The following CDH13 variants were observed in gnomAD, a reference collection of about 807,000 sequenced individuals.
The protein encoded by CDH13 is cadherin 13.
CDH13 carries 24 observed loss-of-function variants against 63.8 expected under a neutral mutation model. The ratio of observed to expected loss-of-function variants is 0.38; its 90% confidence interval spans 0.27 to 0.53. CDH13 has a LOEUF of 0.53. Ranked by LOEUF, CDH13 falls within the 20% of genes least tolerant of loss-of-function variation. The pLI is 0.85. For synonymous variants in CDH13, 503 were observed against 355.3 expected, an observed-to-expected ratio of 1.42 and a Z score of -4.67; for missense variants, 1,049 against 903.1, an observed-to-expected ratio of 1.16 and a Z score of -2.07.
chr16:83,115,496 AT>A (rs1446237213), intron 3 of CDH13, among the ~76,000 whole-genome samples: 3 of 152,224 alleles, frequency 2.0e-5, no homozygotes, highest in Admixed American at 1.3e-4. Context: ...CTCCAAAGGA[AT>A]AACCCTCAGG....
chr16:82,733,241 C>T (rs964209247), intron 1 of CDH13, among the ~76,000 whole-genome samples: 5 of 152,168 alleles, frequency 3.3e-5, no homozygotes, highest in African/African-American at 1.2e-4. Flanking sequence ...ACTGGTCCTC[C>T]CCATTGCATT....
At chr16:83,762,078 T>C (rs1040558683) in intron 11 of CDH13, among the ~76,000 whole-genome samples, 17 of 152,044 alleles carry the variant, frequency 1.1e-4, no homozygotes, top group African/African-American at 3.9e-4. Flanking sequence ...AAAATAAAAA[T>C]AAAATAAGTA....
intron 2 of CDH13, among the ~76,000 whole-genome samples, chr16:82,864,325 T>C (rs2040047290): frequency 6.6e-6 from 1 of 152,064 alleles, no homozygotes; most frequent in African/African-American, 2.4e-5. Flanking sequence ...TGTTAGGAGG[T>C]GTATTAGCCT....
intron 8 of CDH13, among the ~76,000 whole-genome samples, chr16:83,631,327 G>A (rs1007662796): frequency 6.7e-6 from 1 of 149,854 alleles, no homozygotes; most frequent in Non-Finnish European, 1.5e-5. Context: ...TTGGGTTTGG[G>A]GCTTTAATCA....
chr16:83,412,561 C>G (rs2092143300), intron 6 of CDH13, among the ~76,000 whole-genome samples: 1 of 152,218 alleles, frequency 6.6e-6, no homozygotes, highest in Admixed American at 6.5e-5. Context: ...ACTGATGCAG[C>G]CACCTCGAAA....
At chr16:82,780,270 C>T (rs1003137539) in intron 1 of CDH13, among the ~76,000 whole-genome samples, 6 of 152,182 alleles carry the variant, frequency 3.9e-5, no homozygotes, top group African/African-American at 1.4e-4. Context: ...ACTCTCCCTA[C>T]AAAAATTCAA....
At chr16:83,722,168 G>T (rs1427208776) in intron 10 of CDH13, among the ~76,000 whole-genome samples, 1 of 152,094 alleles carries the variant, frequency 6.6e-6, no homozygotes, top group Non-Finnish European at 1.5e-5. Flanking sequence ...TCCCAACTTC[G>T]CTGCCTGCTA....
intron 4 of CDH13, among the ~76,000 whole-genome samples, chr16:83,195,254 T>G (rs968274990): frequency 6.6e-6 from 1 of 152,200 alleles, no homozygotes; most frequent in African/African-American, 2.4e-5. Flanking sequence ...GAGCTGGTAA[T>G]GATAGAAGAA....
At chr16:83,127,750 C>T (rs1012077372) in intron 4 of CDH13, among the ~76,000 whole-genome samples, 5 of 152,048 alleles carry the variant, frequency 3.3e-5, no homozygotes, top group African/African-American at 7.2e-5. Flanking sequence ...AACAAAAAAT[C>T]GATCTTTATT....
intron 5 of CDH13, among the ~76,000 whole-genome samples, chr16:83,295,922 A>C (rs2089584645): frequency 6.6e-6 from 1 of 152,198 alleles, no homozygotes; most frequent in South Asian, 2.1e-4. Context: ...CAACCTAAAA[A>C]TTCATCAGTG....
At chr16:83,364,328 G>A (rs1225718712) in intron 6 of CDH13, among the ~76,000 whole-genome samples, 1 of 152,136 alleles carries the variant, frequency 6.6e-6, no homozygotes, top group Non-Finnish European at 1.5e-5. Context: ...CTGTTGACTA[G>A]TAAGTGCCTG....
At chr16:83,659,092 C>G (rs1309717373) in intron 8 of CDH13, among the ~76,000 whole-genome samples, 1 of 149,238 alleles carries the variant, frequency 6.7e-6, no homozygotes, top group African/African-American at 2.5e-5. Context: ...GGTCCCATGT[C>G]CTCACCACCA....
intron 11 of CDH13, among the ~76,000 whole-genome samples, chr16:83,765,456 T>C (rs529371139): frequency 6.6e-6 from 1 of 152,206 alleles, no homozygotes; most frequent in African/African-American, 2.4e-5. Context: ...ACATCAAGTA[T>C]AGTATACACG....
At chr16:83,689,975 C>T (rs1270476110) in intron 10 of CDH13, among the ~76,000 whole-genome samples, 5 of 152,172 alleles carry the variant, frequency 3.3e-5, no homozygotes, top group African/African-American at 9.7e-5. Context: ...CACCTGAGGT[C>T]AGGAATTTGA....
Position 82,887,529 on chromosome 16 carries a change from G to A in CDH13, c.157+29056G>A, listed in dbSNP as rs113374407. Among the ~76,000 whole-genome samples, 1,212 of 152,202 alleles carry A rather than the reference G, an allele frequency of 8.0e-3. 11 individuals carry two copies. Among genetic ancestry groups the A allele is most frequent in the African/African-American group, 0.026 (1,098 of 41,554 alleles). ...CTGGGTAGGTGACATGTGGGGAGAG[G>A]ATTAAAAGAAAGGAGGGCCAGTGGC... is the stretch of plus-strand genomic sequence containing the variant. On this transcript the variant is annotated intron_variant, in intron 2 of 13. Coordinates refer to ENST00000567109, the MANE Select transcript of CDH13 (RefSeq NM_001257.5).
At chr16:83,009,460 C>G (rs1001581938) in intron 2 of CDH13, among the ~76,000 whole-genome samples, 2 of 152,170 alleles carry the variant, frequency 1.3e-5, no homozygotes, top group African/African-American at 4.8e-5. Context: ...TTTACATTCT[C>G]TCACTTTTTT....
chr16:83,750,360 G>A (rs747009299), intron 11 of CDH13, among the ~76,000 whole-genome samples: 5 of 152,200 alleles, frequency 3.3e-5, no homozygotes, highest in Non-Finnish European at 5.9e-5. Flanking sequence ...GCAAGGTTAA[G>A]GTGACTTATG....
intron 8 of CDH13, among the ~76,000 whole-genome samples, chr16:83,670,393 C>T (rs1474295070): frequency 3.1e-5 from 4 of 130,720 alleles, no homozygotes; most frequent in African/African-American, 1.4e-4. Flanking sequence ...AGGTTGCTCC[C>T]CTCCATGTGG....
intron 7 of CDH13, among the ~76,000 whole-genome samples, chr16:83,540,915 C>G (rs2075285877): frequency 6.6e-6 from 1 of 152,216 alleles, no homozygotes; most frequent in South Asian, 2.1e-4. Flanking sequence ...TAGGCGTGAG[C>G]CACTGCACCT....
Sources: allele counts gnomAD v4.1 joint callset (sites outside exome capture counted in the v4.1 genomes callset), GRCh38; gene constraint gnomAD v4.1.1; transcripts MANE v1.5; gene names NCBI Gene and HGNC (gene_info 2026-07-23, HGNC 2026-07-21).